SCHIP1: variants seen among roughly 807,000 people sequenced by gnomAD.
SCHIP1 encodes the protein schwannomin-interacting protein 1.
A neutral mutation model predicts 29.7 loss-of-function variants in SCHIP1; 8 were observed. That is an observed-to-expected ratio of 0.27 (90% CI 0.16 to 0.49). The LOEUF is 0.49. Among genes scored for constraint, SCHIP1 ranks in the 20% least tolerant of loss-of-function variants. SCHIP1 has a pLI of 0.99. For synonymous variants in SCHIP1, 76 were observed against 94.9 expected (o/e 0.80, Z 1.16); for missense variants, 193 against 294.6 (o/e 0.66, Z 2.52).
the SCHIP1 span, among the ~76,000 whole-genome samples, chr3:159,415,156 C>T: frequency 6.6e-6 from 1 of 152,258 alleles, no homozygotes; most frequent in Non-Finnish European, 1.5e-5. Flanking sequence ...AATGAACAGT[C>T]TATGGATTCA....
the SCHIP1 span, among the ~76,000 whole-genome samples, chr3:159,608,074 A>T: frequency 1.4e-4 from 21 of 152,160 alleles, no homozygotes; most frequent in Non-Finnish European, 4.4e-5. Flanking sequence ...TGCCCTCAGA[A>T]AGTCAGATGT....
the SCHIP1 span, among the ~76,000 whole-genome samples, chr3:159,762,545 G>A: frequency 0.13 from 20,479 of 152,218 alleles, 1,603 homozygotes; most frequent in Middle Eastern, 0.3. Flanking sequence ...GGAACAATTA[G>A]CAACAGGCCC....
At chr3:159,472,317 G>A in the SCHIP1 span, among the ~76,000 whole-genome samples, 2 of 152,080 alleles carry the variant, frequency 1.3e-5, no homozygotes, top group African/African-American at 2.4e-5. Context: ...ACTGTGCCGC[G>A]GGCTGTCCTA....
Position 159,851,240 on chromosome 3 carries a change from T to C in SCHIP1, c.30+11026T>C, listed in dbSNP as rs149576077. ...TGGAGGTCAAGGTGGCAGTGAGCCA[T>C]GATCATGCCATTGCACTCCAGCCTG... On this transcript the variant is annotated intron_variant, in intron 1 of 6. Transcript: ENST00000445224. 4.7e-3 allele frequency among the ~76,000 whole-genome samples: 714 copies of C among 152,204 alleles called. 14 individuals are homozygous for C. The highest frequency in any genetic ancestry group is 0.036 in the Admixed American group (546 of 15,294).
chr3:159,718,612 T>G, the SCHIP1 span, among the ~76,000 whole-genome samples: 3 of 152,202 alleles, frequency 2.0e-5, no homozygotes, highest in African/African-American at 7.2e-5. Context: ...AGCCAAATCA[T>G]GAGTGAACTC....
At chr3:159,457,743 T>G in the SCHIP1 span, among the ~76,000 whole-genome samples, 1 of 152,182 alleles carries the variant, frequency 6.6e-6, no homozygotes, top group African/African-American at 2.4e-5. Context: ...CCGTATATAC[T>G]ATGTTATTTC....
the SCHIP1 span, among the ~76,000 whole-genome samples, chr3:159,493,468 C>G: frequency 6.6e-6 from 1 of 152,022 alleles, no homozygotes; most frequent in Admixed American, 6.5e-5. Context: ...TTGGATAAAA[C>G]AGACTTTAAA....
the SCHIP1 span, among the ~76,000 whole-genome samples, chr3:159,655,467 T>G: frequency 9.2e-5 from 14 of 152,302 alleles, no homozygotes; most frequent in African/African-American, 2.9e-4. Flanking sequence ...ACTATGAGGC[T>G]GGCTGGAATG....
At chr3:159,881,896 C>G (rs992854858) in intron 2 of SCHIP1, among the ~76,000 whole-genome samples, 1 of 152,182 alleles carries the variant, frequency 6.6e-6, no homozygotes, top group African/African-American at 2.4e-5. Context: ...GGCTCTCACA[C>G]GTGTCTAGGG....
At chr3:159,779,409 T>G in the SCHIP1 span, among the ~76,000 whole-genome samples, 1 of 151,708 alleles carries the variant, frequency 6.6e-6, no homozygotes. Flanking sequence ...GGCTCACGCC[T>G]GTAATCCCAG....
chr3:159,810,291 C>T, the SCHIP1 span, among the ~76,000 whole-genome samples: 293 of 152,200 alleles, frequency 1.9e-3, 1 homozygote, highest in Non-Finnish European at 3.5e-3. Context: ...GTGATCTGCC[C>T]ACCTCGGCCC....
At chr3:159,402,479 C>T in the SCHIP1 span, among the ~76,000 whole-genome samples, 2 of 152,096 alleles carry the variant, frequency 1.3e-5, no homozygotes, top group African/African-American at 2.4e-5. Flanking sequence ...GACATATGCA[C>T]ACATATATTT....
the SCHIP1 span, among the ~76,000 whole-genome samples, chr3:159,698,880 A>G: frequency 0.011 from 1,656 of 152,234 alleles, 28 homozygotes; most frequent in African/African-American, 0.037. Context: ...TTCTGGCCTC[A>G]AGTGATCTGC....
intron 2 of SCHIP1, among the ~76,000 whole-genome samples, chr3:159,878,651 G>A (rs1280045309): frequency 9.0e-4 from 133 of 148,586 alleles, no homozygotes; most frequent in Middle Eastern, 7.0e-3. Context: ...AGTGGCGGGC[G>A]CCTGTAGTCC....
chr3:159,741,391 C>T, the SCHIP1 span, among the ~76,000 whole-genome samples: 1 of 152,150 alleles, frequency 6.6e-6, no homozygotes, highest in Non-Finnish European at 1.5e-5. Flanking sequence ...CTGACATGCA[C>T]CAGTTTCATG....
At chr3:159,619,879 G>A in the SCHIP1 span, among the ~76,000 whole-genome samples, 5 of 152,152 alleles carry the variant, frequency 3.3e-5, no homozygotes, top group East Asian at 7.7e-4. Context: ...TTTCAAAACA[G>A]AATCTTAGAA....
the SCHIP1 span, among the ~76,000 whole-genome samples, chr3:159,308,156 G>T: frequency 6.6e-6 from 1 of 151,976 alleles, no homozygotes; most frequent in Admixed American, 6.6e-5. Context: ...TCTGTAAATT[G>T]CTTTCAGCAG....
the SCHIP1 span, among the ~76,000 whole-genome samples, chr3:159,487,923 T>C: frequency 6.6e-6 from 1 of 152,232 alleles, no homozygotes; most frequent in Admixed American, 6.5e-5. Context: ...AATTAGACTT[T>C]ATCTTCCATA....
chr3:159,700,357 G>C, the SCHIP1 span, among the ~76,000 whole-genome samples: 1 of 152,122 alleles, frequency 6.6e-6, no homozygotes, highest in Non-Finnish European at 1.5e-5. Context: ...ATGAAATAAG[G>C]GGAGATAGAT....
Sources: allele counts gnomAD v4.1 joint callset (sites outside exome capture counted in the v4.1 genomes callset), GRCh38; gene constraint gnomAD v4.1.1; transcripts MANE v1.5; gene names NCBI Gene and HGNC (gene_info 2026-07-23, HGNC 2026-07-21).